TSHZ3: variants seen among roughly 807,000 people sequenced by gnomAD.
The protein encoded by TSHZ3 is teashirt homolog 3.
TSHZ3 carries 10 observed loss-of-function variants against 64.5 expected under a neutral mutation model. The observed-to-expected ratio is 0.16, with a 90% CI of 0.10 to 0.26. The LOEUF is 0.26. Ranked by LOEUF, TSHZ3 falls within the 10% of genes least tolerant of loss-of-function variation. TSHZ3 has a pLI of 1.00. For synonymous variants in TSHZ3, 608 were observed against 593.1 expected (o/e 1.03, Z -0.36); for missense variants, 1,242 against 1,421.7 (o/e 0.87, Z 2.03).
chr19:31,210,853 T>A (rs1211176728), intron 4 of TSHZ3, among the ~76,000 whole-genome samples: 1 of 152,236 alleles, frequency 6.6e-6, no homozygotes, highest in Non-Finnish European at 1.5e-5. Flanking sequence ...GAATACAGTG[T>A]TAACTGTGTC....
At chr19:31,195,760 G>A (rs1219728583) in intron 5 of TSHZ3, 1 of 151,908 alleles carries the variant, frequency 6.6e-6, no homozygotes, top group African/African-American at 2.4e-5. Context: ...AATAAAAATA[G>A]CAAAAATGTA....
intron 5 of TSHZ3, among the ~76,000 whole-genome samples, chr19:31,171,878 C>T (rs932892773): frequency 1.3e-5 from 2 of 152,146 alleles, no homozygotes; most frequent in African/African-American, 4.8e-5. Context: ...AGTTCCCTGC[C>T]CAGTGTCCCA....
At chr19:31,208,778 G>C (rs1378300540) in intron 4 of TSHZ3, among the ~76,000 whole-genome samples, 2 of 152,290 alleles carry the variant, frequency 1.3e-5, no homozygotes, top group East Asian at 3.9e-4. Flanking sequence ...TCCTCTTTCA[G>C]AGGTGTTTGA....
chr19:31,257,424 G>A (rs1356284813), intron 1 of TSHZ3, among the ~76,000 whole-genome samples: 2 of 152,168 alleles, frequency 1.3e-5, no homozygotes, highest in Non-Finnish European at 2.9e-5. Context: ...ACATGACCCC[G>A]TAAGCAGGGA....
chr19:31,250,678 G>T (rs953581941), intron 1 of TSHZ3, among the ~76,000 whole-genome samples: 7 of 152,196 alleles, frequency 4.6e-5, no homozygotes, highest in African/African-American at 1.7e-4. Flanking sequence ...CTCCAGAAAA[G>T]ACACCCATGT....
At chr19:31,213,287 G>T (rs1172130528) in intron 4 of TSHZ3, among the ~76,000 whole-genome samples, 1 of 139,398 alleles carries the variant, frequency 7.2e-6, no homozygotes. Context: ...AACCTAGGAG[G>T]CAGAGGTTGC....
At chr19:31,210,958 G>A (rs1172239709) in intron 4 of TSHZ3, among the ~76,000 whole-genome samples, 3 of 152,152 alleles carry the variant, frequency 2.0e-5, no homozygotes, top group African/African-American at 4.8e-5. Context: ...AAATAGCCAT[G>A]TACTACTTAA....
chr19:31,253,337 A>G lies in TSHZ3; in HGVS notation n.64-10462T>C, dbSNP rs373436129. On this transcript the variant is annotated intron_variant and non_coding_transcript_variant, in intron 1 of 6. Transcript: ENST00000651361. The stretch of plus-strand genomic sequence containing the variant: ...AGAAAAATGCAGCAAATGGATCAAG[A>G]TAAGAAGAAGAAAGAACAGGATTTT... Among the ~76,000 whole-genome samples the G allele has an allele frequency of 2.0e-5, 3 of 152,288 alleles. No individual in the cohort carries two copies. In the East Asian group the frequency reaches 5.8e-4, roughly 29 times the overall value.
chr19:31,347,828 G>T (rs754535445), intron 1 of TSHZ3, among the ~76,000 whole-genome samples: 1 of 152,178 alleles, frequency 6.6e-6, no homozygotes, highest in Non-Finnish European at 1.5e-5. Context: ...CTGTGACCCC[G>T]TGTAAGGGGT....
At chr19:31,187,079 TAG>T (rs773139893) in intron 5 of TSHZ3, among the ~76,000 whole-genome samples, 8 of 152,148 alleles carry the variant, frequency 5.3e-5, no homozygotes, top group Non-Finnish European at 1.2e-4. Flanking sequence ...TTAACACATG[TAG>T]AGATTCATAT....
At chr19:31,187,889 T>C (rs1405804579) in intron 5 of TSHZ3, among the ~76,000 whole-genome samples, 1 of 152,114 alleles carries the variant, frequency 6.6e-6, no homozygotes, top group Non-Finnish European at 1.5e-5. Context: ...CTCTTTAATA[T>C]TGCTTTGGTT....
rs758282213 is a variant in TSHZ3, at chr19:31,278,236, C to A, written c.1557G>T (p.Gly519=). Residue 519 remains glycine, a synonymous_variant, in exon 2 of 2, where the codon GGG becomes GGT. Transcript: ENST00000240587. This position sits in a 1 kb window ranked among gnomAD's most constrained non-coding sequence, Gnocchi z 4.7. ...ENDLEESPKG[G]LDILKSLENT... ...TTTCCAAGGATTTGAGGATATCAAG[C>A]CCCCCCTTGGGACTCTCTTCTAAGT... 2 of 1,614,072 alleles carry A rather than the reference C, an allele frequency of 1.2e-6. No individual in the cohort carries two copies. The highest frequency in any genetic ancestry group is 1.7e-6 in the Non-Finnish European group (2 of 1,179,994).
At chr19:31,182,188 C>T (rs1355774845) in intron 5 of TSHZ3, among the ~76,000 whole-genome samples, 2 of 152,274 alleles carry the variant, frequency 1.3e-5, no homozygotes, top group East Asian at 3.9e-4. Flanking sequence ...CAGATAGAAC[C>T]ACCTTTTCCA....
intron 1 of TSHZ3, among the ~76,000 whole-genome samples, chr19:31,251,586 G>A (rs186179305): frequency 6.6e-6 from 1 of 152,128 alleles, no homozygotes; most frequent in South Asian, 2.1e-4. Context: ...AATTCTGAAG[G>A]TGTTCTAGCC....
chr19:31,277,186 G>C lies in TSHZ3; in HGVS notation c.2607C>G (p.Ser869=), dbSNP rs751939179. ...TSKSSTPSSI[S]EKSDIDGATL... ...TGGCCCCGTCAATGTCAGACTTCTC[G>C]GAGATGCTGGAAGGAGTGGAGGATT... Residue 869 remains serine (S), a synonymous_variant, in exon 2 of 2, where the codon TCC becomes TCG. Coordinates refer to ENST00000240587, the MANE Select transcript of TSHZ3 (RefSeq NM_020856.4). This position sits in a 1 kb window ranked among gnomAD's most constrained non-coding sequence, Gnocchi z 4.5. The C allele has an allele frequency of 3.1e-6, 5 of 1,614,026 alleles. No individual in the cohort carries two copies. Among genetic ancestry groups the C allele is most frequent in the East Asian group, 2.2e-5 (1 of 44,894 alleles).
intron 1 of TSHZ3, among the ~76,000 whole-genome samples, chr19:31,323,863 A>AACACACAC (rs58051976): frequency 0.049 from 6,039 of 122,244 alleles, 321 homozygotes; most frequent in Non-Finnish European, 0.072. Flanking sequence ...CCTGGCCTCC[A>AACACACAC]ACACACACAC....
At chr19:31,166,271 C>T (rs1974451101) in intron 5 of TSHZ3, among the ~76,000 whole-genome samples, 1 of 152,198 alleles carries the variant, frequency 6.6e-6, no homozygotes, top group African/African-American at 2.4e-5. Flanking sequence ...CACACCATTA[C>T]TTAGAATTTT....
At chr19:31,222,294 A>G (rs111949708) in intron 4 of TSHZ3, among the ~76,000 whole-genome samples, 22 of 152,226 alleles carry the variant, frequency 1.4e-4, no homozygotes, top group Non-Finnish European at 3.1e-4. Flanking sequence ...AAAATGAAAC[A>G]CATCCAGTAT....
chr19:31,333,106 C>CAGTA (rs370368655), intron 1 of TSHZ3, among the ~76,000 whole-genome samples: 1 of 137,824 alleles, frequency 7.3e-6, no homozygotes, highest in African/African-American at 2.8e-5. Context: ...TCCTGTCTCA[C>CAGTA]AATAAATAAA....
Sources: allele counts gnomAD v4.1 joint callset (sites outside exome capture counted in the v4.1 genomes callset), GRCh38; gene constraint gnomAD v4.1.1; non-coding constraint Gnocchi (gnomAD v3.1); transcripts MANE v1.5; gene names NCBI Gene and HGNC (gene_info 2026-07-23, HGNC 2026-07-21).